DNAH11: variants seen among roughly 807,000 people sequenced by gnomAD.
DNAH11 encodes the protein dynein axonemal heavy chain 11.
DNAH11 carries 442 observed loss-of-function variants against 526.0 expected under a neutral mutation model. The observed-to-expected ratio is 0.84, with a 90% confidence interval of 0.78 to 0.91. DNAH11 has a LOEUF of 0.91. Ranked by LOEUF, DNAH11 falls within the 40% of genes least tolerant of loss-of-function variation. DNAH11 has a pLI of 0.00. For synonymous variants in DNAH11, 2,461 were observed against 1,935.9 expected (o/e 1.27, Z -7.12); for missense variants, 6,989 against 5,448.7 (o/e 1.28, Z -8.90).
chr7:21,750,528 C>T (rs531275017), intron 54 of DNAH11, among the ~76,000 whole-genome samples, 164 bp downstream of exon 54: 1 of 152,340 alleles, frequency 6.6e-6, no homozygotes, highest in Admixed American at 6.5e-5. Flanking sequence ...CCTAAAGTGT[C>T]CCATGATGCT....
At chr7:21,807,423 C>A (rs1789313165) in intron 62 of DNAH11, among the ~76,000 whole-genome samples, 1 of 152,126 alleles carries the variant, frequency 6.6e-6, no homozygotes, top group Admixed American at 6.5e-5. Flanking sequence ...GGCTTAAGCC[C>A]AGGAGGTAAA....
At chr7:21,607,747 C>A (rs535446134) in intron 20 of DNAH11, among the ~76,000 whole-genome samples, 3 of 151,474 alleles carry the variant, frequency 2.0e-5, no homozygotes, top group Admixed American at 6.6e-5. Flanking sequence ...CTGGCCAACA[C>A]GGTGAAACCC....
intron 74 of DNAH11, among the ~76,000 whole-genome samples, chr7:21,879,838 A>C (rs1380120487): frequency 6.6e-6 from 1 of 152,158 alleles, no homozygotes; most frequent in Non-Finnish European, 1.5e-5. Flanking sequence ...TAATCCCAGC[A>C]CCTTGGGAGG....
At chr7:21,858,854 A>C in intron 68 of DNAH11, among the ~76,000 whole-genome samples, 1 of 152,202 alleles carries the variant, frequency 6.6e-6, no homozygotes, top group East Asian at 1.9e-4. Context: ...TGCATATAAT[A>C]GGCACATTTT....
intron 66 of DNAH11, among the ~76,000 whole-genome samples, chr7:21,847,707 G>A (rs1401419158): frequency 1.3e-5 from 2 of 152,154 alleles, no homozygotes; most frequent in African/African-American, 4.8e-5. Context: ...TGCACAGTTC[G>A]ACTATATCCT....
At position 21,620,024 on chromosome 7, in the gene DNAH11, C is replaced by T; in HGVS notation, c.4446C>T (p.Gly1482=). The T allele has an allele frequency of 6.2e-7, 1 of 1,609,654 alleles. No homozygotes were observed. The highest frequency in any genetic ancestry group is 8.5e-7 in the Non-Finnish European group (1 of 1,178,360). Residue 1482 remains glycine, a synonymous_variant, in exon 25 of 82, where the codon GGC becomes GGT. Transcript: ENST00000409508. ...KFSYEVHYRT[G]IPLLKSDEQL... is the part of the protein sequence containing the mutation. ...CTTACGAAGTTCACTATCGAACAGG[C>T]ATTCCATTACTAAAGTCTGATGAAC...
intron 2 of DNAH11, among the ~76,000 whole-genome samples, chr7:21,553,755 A>G (rs1453970096): frequency 6.6e-6 from 1 of 151,862 alleles, no homozygotes; most frequent in Non-Finnish European, 1.5e-5. Flanking sequence ...TTCAAGGAGG[A>G]TCTTGATCTA....
chr7:21,865,135 C>T (rs1274701114), intron 70 of DNAH11, among the ~76,000 whole-genome samples: 2 of 145,980 alleles, frequency 1.4e-5, no homozygotes, highest in Admixed American at 1.4e-4. Context: ...TTGCCTTAAA[C>T]CTCAATTATC....
At chr7:21,876,820 A>C (rs569786255) in intron 74 of DNAH11, among the ~76,000 whole-genome samples, 4 of 152,390 alleles carry the variant, frequency 2.6e-5, no homozygotes, top group African/African-American at 9.6e-5. Context: ...GTTAACAAAC[A>C]GAAATTCTCC....
chr7:21,633,841 A>G (rs1027290553), intron 25 of DNAH11, among the ~76,000 whole-genome samples: 2 of 152,196 alleles, frequency 1.3e-5, no homozygotes, highest in East Asian at 3.8e-4. Context: ...CAGTCAGAAA[A>G]GGGTATTTAG....
rs778176046 is a variant in DNAH11 at position 21,588,139 on chromosome 7, G to A, written c.1786G>A (p.Val596Met). The part of the protein sequence containing the change: ...EIFSLHYSTL[V>M]HMFNTELDVC... ...TTTCAGCCTACATTACAGCACACTA[G>A]TGCATATGTTTAATACAGAGCTGGA... The change falls in exon 10 of 82, where the codon GTG (valine) becomes ATG (methionine). Residue 596 changes from valine to methionine, a missense_variant. Coordinates refer to ENST00000409508, the MANE Select transcript of DNAH11 (RefSeq NM_001277115.2). The A allele has an allele frequency of 1.2e-6, 2 of 1,613,402 alleles. No individual in the cohort carries two copies. Among genetic ancestry groups the A allele is most frequent in the African/African-American group, 1.3e-5 (1 of 75,032 alleles).
In DNAH11 at chr7:21,813,274, G is replaced by T. The variant is rs192390830; in HGVS notation, c.10333-3193G>T. On this transcript the variant is annotated intron_variant, in intron 63 of 81. Coordinates refer to ENST00000409508, the MANE Select transcript of DNAH11 (RefSeq NM_001277115.2). ...CTCCACTCATTGCTTTGACCCAGCA[G>T]TTTATAGACAGAGCAAATACATGGA... is the stretch of plus-strand genomic sequence containing the variant. 2.6e-5 allele frequency among the ~76,000 whole-genome samples: 4 copies of T among 152,316 alleles called. No individual in the cohort carries two copies. In the East Asian group the frequency reaches 7.7e-4, roughly 29 times the overall value.
intron 65 of DNAH11, among the ~76,000 whole-genome samples, chr7:21,839,853 G>A (rs1212883628): frequency 2.0e-5 from 3 of 152,158 alleles, no homozygotes; most frequent in African/African-American, 7.2e-5. Flanking sequence ...ACTCTGCAGG[G>A]AAAACAACAT....
At chr7:21,813,182 C>T (rs1288688088) in intron 63 of DNAH11, among the ~76,000 whole-genome samples, 1 of 78,480 alleles carries the variant, frequency 1.3e-5, no homozygotes, top group Non-Finnish European at 2.5e-5. Context: ...GTTGTTGTTT[C>T]CATCCAAAGT....
intron 18 of DNAH11, among the ~76,000 whole-genome samples, chr7:21,604,222 G>A (rs1243014057): frequency 1.3e-5 from 2 of 152,096 alleles, no homozygotes; most frequent in Non-Finnish European, 2.9e-5. Flanking sequence ...AAAGTCATGA[G>A]GACTCACCAC....
At chr7:21,617,310 GA>G (rs1288825367) in intron 22 of DNAH11, among the ~76,000 whole-genome samples, 1 of 152,174 alleles carries the variant, frequency 6.6e-6, no homozygotes, top group African/African-American at 2.4e-5. Context: ...TATGTTTATA[GA>G]AGAAACATTC....
intron 25 of DNAH11, among the ~76,000 whole-genome samples, chr7:21,631,378 G>A (rs1443425042): frequency 3.9e-5 from 6 of 152,212 alleles, no homozygotes; most frequent in Admixed American, 2.6e-4. Context: ...AACAGTCCCC[G>A]AAAGTCTTAA....
intron 26 of DNAH11, 33 bp from the exon 27 acceptor site, chr7:21,637,578 A>G: frequency 7.6e-7 from 1 of 1,311,818 alleles, no homozygotes; most frequent in Non-Finnish European, 1.1e-6. Context: ...GATTGTTCTA[A>G]TATCCACGGC....
intron 65 of DNAH11, among the ~76,000 whole-genome samples, chr7:21,828,286 G>C (rs1790393729): frequency 6.6e-6 from 1 of 152,054 alleles, no homozygotes; most frequent in Non-Finnish European, 1.5e-5. Context: ...GAGTTATGTA[G>C]TTCTCTCATT....
Sources: allele counts gnomAD v4.1 joint callset (sites outside exome capture counted in the v4.1 genomes callset), GRCh38; gene constraint gnomAD v4.1.1; transcripts MANE v1.5; gene names NCBI Gene and HGNC (gene_info 2026-07-23, HGNC 2026-07-21).